The following NFASC variants were observed in gnomAD, a reference collection of about 807,000 sequenced individuals.
NFASC encodes neurofascin homolog.
Under a neutral mutation model 147.5 loss-of-function variants are expected in NFASC, and 43 were observed. The observed-to-expected ratio is 0.29, with a 90% CI of 0.23 to 0.38. NFASC has a LOEUF of 0.38. Among genes scored for constraint, NFASC ranks in the 10% least tolerant of loss-of-function variants. The pLI is 1.00. For synonymous variants in NFASC, 622 were observed against 665.5 expected, an observed-to-expected ratio of 0.93 and a Z score of 1.01; for missense variants, 1,320 against 1,689.0, an observed-to-expected ratio of 0.78 and a Z score of 3.83.
At chr1:204,928,237 G>A (rs1274951196) in intron 2 of NFASC, among the ~76,000 whole-genome samples, 5 of 152,144 alleles carry the variant, frequency 3.3e-5, no homozygotes, top group Non-Finnish European at 7.3e-5. Context: ...AGGGTATACC[G>A]ACTACATTTG....
chr1:204,865,013 C>T lies in NFASC; in HGVS notation c.-200+36231C>T, dbSNP rs1382363802. On this transcript the variant is annotated intron_variant, in intron 1 of 29. Coordinates refer to ENST00000339876, the MANE Select transcript of NFASC (RefSeq NM_001005388.3). ...ACATCTAAAAGTCCATTAACAAACC[C>T]AAGGTTATGAAGTTTTACTTCTAGT... Among the ~76,000 whole-genome samples, 3 of 152,152 alleles carry T rather than the reference C, an allele frequency of 2.0e-5. No homozygotes were observed. The East Asian group carries it at 5.8e-4, about 29-fold the overall frequency.
intron 1 of NFASC, among the ~76,000 whole-genome samples, chr1:204,848,473 G>A (rs936594758): frequency 2.0e-5 from 3 of 152,158 alleles, no homozygotes; most frequent in Non-Finnish European, 1.5e-5. Context: ...CGAACCTCCT[G>A]CCTTGGCTTC....
At chr1:204,985,832 C>A in intron 21 of NFASC, 2 of 887,278 alleles carry the variant, frequency 2.3e-6, no homozygotes, top group East Asian at 2.6e-5. Context: ...AAAGGAAAGA[C>A]CGGTCACTAC....
chr1:204,977,823 T>G (rs1309447835), intron 17 of NFASC, 98 bp downstream of exon 17: 2 of 1,093,362 alleles, frequency 1.8e-6, no homozygotes, highest in Non-Finnish European at 2.7e-6. Context: ...AGGGCGACAG[T>G]GTGTAGGTTT....
chr1:204,967,940 A>G (rs2095051150), intron 8 of NFASC: 1 of 287,150 alleles, frequency 3.5e-6, no homozygotes, highest in Admixed American at 4.8e-5. Context: ...TCTGGAGTAG[A>G]TCTCGCACTG....
intron 1 of NFASC, among the ~76,000 whole-genome samples, chr1:204,888,502 A>G (rs2148995144): frequency 6.6e-6 from 1 of 152,336 alleles, no homozygotes; most frequent in East Asian, 1.9e-4. Flanking sequence ...TTCTAGGGTT[A>G]AAACAGAGGG....
At chr1:204,875,545 G>A (rs1444403609) in intron 1 of NFASC, among the ~76,000 whole-genome samples, 1 of 152,168 alleles carries the variant, frequency 6.6e-6, no homozygotes, top group Non-Finnish European at 1.5e-5. Context: ...AACAGTCTAG[G>A]AGGGAACATT....
chr1:204,845,824 C>T (rs1676857986), intron 1 of NFASC, among the ~76,000 whole-genome samples: 2 of 152,174 alleles, frequency 1.3e-5, no homozygotes, highest in Admixed American at 6.5e-5. Flanking sequence ...ATCGCTTGAG[C>T]CCAGAAGTTT....
intron 3 of NFASC, chr1:204,946,608 A>T: frequency 2.1e-6 from 1 of 478,628 alleles, no homozygotes. Context: ...ATGAGGGGGC[A>T]GGTCCTGGCA....
intron 1 of NFASC, among the ~76,000 whole-genome samples, chr1:204,890,396 C>A (rs569243643): frequency 2.1e-4 from 32 of 152,198 alleles, no homozygotes; most frequent in African/African-American, 7.7e-4. Flanking sequence ...CTGGGGGCAA[C>A]CAACCCCATC....
chr1:204,834,650 A>C (rs1673171988), intron 1 of NFASC, among the ~76,000 whole-genome samples: 1 of 152,182 alleles, frequency 6.6e-6, no homozygotes, highest in African/African-American at 2.4e-5. Flanking sequence ...TCCAGAAAGA[A>C]GGCCCCAATC....
intron 21 of NFASC, among the ~76,000 whole-genome samples, chr1:204,983,854 C>T (rs2095555144): frequency 6.6e-6 from 1 of 152,186 alleles, no homozygotes; most frequent in Admixed American, 6.5e-5. Flanking sequence ...CCCTTTTGTC[C>T]TGAGCCTTCC....
intron 2 of NFASC, among the ~76,000 whole-genome samples, chr1:204,922,933 G>A (rs2090787281): frequency 6.6e-6 from 1 of 152,244 alleles, no homozygotes; most frequent in African/African-American, 2.4e-5. Context: ...ACCAGGCACT[G>A]TGCCCTGCGC....
intron 2 of NFASC, among the ~76,000 whole-genome samples, chr1:204,925,024 C>T (rs772926098): frequency 1.3e-5 from 2 of 152,078 alleles, no homozygotes; most frequent in Non-Finnish European, 2.9e-5. Context: ...TACAGGTGCC[C>T]GCCACATGGC....
chr1:204,877,386 G>A (rs1319222722), intron 1 of NFASC, among the ~76,000 whole-genome samples: 1 of 152,064 alleles, frequency 6.6e-6, no homozygotes, highest in Non-Finnish European at 1.5e-5. Context: ...GTGGTCTCCT[G>A]TTGGGAAGCC....
At chr1:205,007,015 G>T (rs2096128748) in intron 27 of NFASC, among the ~76,000 whole-genome samples, 1 of 152,098 alleles carries the variant, frequency 6.6e-6, no homozygotes, top group African/African-American at 2.4e-5. Context: ...GAAGCGCTAA[G>T]AATAGAGGGG....
chr1:204,986,511 G>A lies in NFASC; in HGVS notation c.2471-907G>A, dbSNP rs531275383. Among the ~76,000 whole-genome samples the A allele has an allele frequency of 3.3e-5, 5 of 152,312 alleles. No homozygotes were observed. Among genetic ancestry groups the A allele is most frequent in the African/African-American group, 9.6e-5 (4 of 41,570 alleles). ...AACACCTTCACGGTTCTCCCCCCAC[G>A]TTCTCAAGAAGCCGTCACTGAAATA... On this transcript the variant is annotated intron_variant, in intron 21 of 29. Coordinates refer to ENST00000339876, the MANE Select transcript of NFASC (RefSeq NM_001005388.3). This position sits in a 1 kb window ranked among gnomAD's most constrained non-coding sequence, Gnocchi z 4.2.
At chr1:204,996,296 C>T (rs55869728) in intron 24 of NFASC, among the ~76,000 whole-genome samples, 2 of 152,194 alleles carry the variant, frequency 1.3e-5, no homozygotes, top group African/African-American at 4.8e-5. Flanking sequence ...GCATGCGCCT[C>T]ACTCTGCCTG....
chr1:204,896,974 G>A (rs994916151), intron 1 of NFASC, among the ~76,000 whole-genome samples: 2 of 152,132 alleles, frequency 1.3e-5, no homozygotes, highest in African/African-American at 4.8e-5. Context: ...ATGCAAAGGG[G>A]CCTTTCCATT....
Sources: gnomAD v4.1 joint callset for allele counts (sites outside exome capture counted in the v4.1 genomes callset) on GRCh38, gnomAD v4.1.1 for gene constraint, Gnocchi (gnomAD v3.1) non-coding constraint, MANE v1.5 for transcripts, NCBI Gene and HGNC (gene_info 2026-07-23, HGNC 2026-07-21) for gene names.